The following SRM variants were observed in gnomAD, a reference collection of about 807,000 sequenced individuals.
SRM encodes spermidine synthase, also known as putrescine aminopropyltransferase.
In SRM, 14 loss-of-function variants were observed where a neutral mutation model predicts 39.3. That is an observed-to-expected ratio of 0.36 (90% CI 0.24 to 0.56). The LOEUF is 0.56. Among genes scored for constraint, SRM ranks in the 20% least tolerant of loss-of-function variants. The pLI is 0.86. For synonymous variants in SRM, 195 were observed against 173.1 expected, an observed-to-expected ratio of 1.13 and a Z score of -0.99; for missense variants, 244 against 409.2, an observed-to-expected ratio of 0.60 and a Z score of 3.48.
At chr1:11,059,202 T>C (rs946591449) in intron 2 of SRM, 23 bp downstream of exon 2, 1 of 1,613,128 alleles carries the variant, frequency 6.2e-7, no homozygotes, top group Non-Finnish European at 8.5e-7. Context: ...CGTCCGGCAC[T>C]GTTCCAGGGG....
intron 3 of SRM, 198 bp downstream of exon 3, chr1:11,058,602 G>T: frequency 2.4e-6 from 1 of 418,558 alleles, no homozygotes; most frequent in Non-Finnish European, 4.3e-6. Context: ...GTTTTAGTAA[G>T]AGCTCGCCAC....
chr1:11,054,963 T>G lies in SRM; in HGVS notation c.887A>C (p.Lys296Thr), dbSNP rs1295196605. Residue 296 changes from lysine to threonine, a missense_variant and splice_region_variant, in exon 7 of 8, where the codon AAG becomes ACG. Physicochemically the swap from Lys to Thr is moderately conservative, Grantham distance 78. Transcript: ENST00000376957. This position sits in a 1 kb window ranked among gnomAD's most constrained non-coding sequence, Gnocchi z 4.8. The stretch of plus-strand genomic sequence containing the variant: ...CACCCAGCCCCGCAGGCCACCCACC[T>G]TGCGGGCAAACTCGGGCAGCACAAA... ...AAFVLPEFAR[K>T]ALNDVS 1 of 1,611,192 alleles carries G rather than the reference T, an allele frequency of 6.2e-7. No homozygotes were observed. Among genetic ancestry groups the G allele is most frequent in the Non-Finnish European group, 8.5e-7 (1 of 1,179,386 alleles).
chr1:11,055,973 A>AC, intron 5 of SRM, 38 bp downstream of exon 5: 2 of 1,318,520 alleles, frequency 1.5e-6, no homozygotes, highest in Non-Finnish European at 2.1e-6. Flanking sequence ...GCCCTGCCCC[A>AC]CCCCGCCCCG....
At position 11,058,788 on chromosome 1, in the gene SRM, G is replaced by A. The variant is rs147052074; in HGVS notation, c.381+12C>T. The A allele has an allele frequency of 1.2e-4, 190 of 1,600,106 alleles. No individual in the cohort carries two copies. In the African/African-American group the frequency reaches 2.1e-3, roughly 18 times the overall value. ...AACCAGGACTCAAACCTGGCTCTAC[G>A]CCGGCACTCACCTCGTCGATCTCAC... On this transcript the variant is annotated intron_variant, in intron 3 of 7. Coordinates refer to ENST00000376957, the MANE Select transcript of SRM (RefSeq NM_003132.3).
chr1:11,055,960 C>T, intron 5 of SRM, 34 bp from the exon 6 acceptor site: 1 of 1,588,690 alleles, frequency 6.3e-7, no homozygotes, highest in Non-Finnish European at 8.6e-7. Context: ...TCCGGCAGGG[C>T]CTGCCCTGCC....
At position 11,056,106 on chromosome 1, in the gene SRM, AGAGG is replaced by A. The variant is rs1557682790; in HGVS notation, c.536-16_536-13del. On this transcript the variant is annotated splice_polypyrimidine_tract_variant and intron_variant, in intron 4 of 7. Transcript: ENST00000376957. ...ACTTTCGGCGGGGCCTGGGGAAGACAGAGGGAGACACACTGAACAGTCTGGCTGT... is the reference window on the plus strand; with the variant it reads ...ACTTTCGGCGGGGCCTGGGGAAGACAGAGACACACTGAACAGTCTGGCTGT... 1 of 1,600,464 alleles carries A rather than the reference AGAGG, an allele frequency of 6.2e-7. No individual in the cohort carries two copies. The highest frequency in any genetic ancestry group is 1.1e-5 in the South Asian group (1 of 88,400).
In SRM at chr1:11,058,833, G is replaced by C; in HGVS notation, c.348C>G (p.Ser116=). 1 of 1,611,828 alleles carries C rather than the reference G, an allele frequency of 6.2e-7. No individual in the cohort carries two copies. The highest frequency in any genetic ancestry group is 1.1e-5 in the South Asian group (1 of 90,666). Residue 116 remains serine, a synonymous_variant, in exon 3 of 8, where the codon TCC becomes TCG. Coordinates refer to ENST00000376957, the MANE Select transcript of SRM (RefSeq NM_003132.3). Reference sequence around the variant, plus strand: ...TCTCACACTGGACCACGGACTCCACGGAGGGGTGCTTCACCACCTCCCGCA... The same window carrying C: ...TCTCACACTGGACCACGGACTCCACCGAGGGGTGCTTCACCACCTCCCGCA... ...GVLREVVKHP[S]VESVVQCEID...
chr1:11,058,033 C>T (rs538388779), intron 3 of SRM, among the ~76,000 whole-genome samples: 1 of 152,204 alleles, frequency 6.6e-6, no homozygotes, highest in South Asian at 2.1e-4. Flanking sequence ...CCCGCCTTGG[C>T]GTCCCAAAGT....
Position 11,055,915 on chromosome 1 carries a change from A to G in SRM, c.631T>C (p.Trp211Arg). Residue 211 changes from tryptophan to arginine, a missense_variant, in exon 6 of 8, where the codon TGG becomes CGG. Trp to Arg is a moderately radical substitution (Grantham distance 101, BLOSUM62 -3). Transcript: ENST00000376957. ...TCCTTGATGAGGTCCAGGTGCAGCC[A>G]CTGGCACTCGCCTGGGGGCCCCTAA... ...GVLCCQGECQ[W>R]LHLDLIKEMR... 1.2e-6 allele frequency: 2 copies of G among 1,603,256 alleles called. No homozygotes were observed. The highest frequency in any genetic ancestry group is 1.7e-6 in the Non-Finnish European group (2 of 1,172,774).
intron 3 of SRM, chr1:11,058,587 G>A: frequency 5.3e-6 from 2 of 379,280 alleles, no homozygotes; most frequent in Non-Finnish European, 9.4e-6. Context: ...AAAAAAATCA[G>A]CTCAGTTTTA....
chr1:11,059,180 G>A, intron 2 of SRM, 45 bp downstream of exon 2: 1 of 1,611,974 alleles, frequency 6.2e-7, no homozygotes, highest in Admixed American at 1.7e-5. Flanking sequence ...GAGCACACCT[G>A]GGGCCGCCCC....
At position 11,059,856 on chromosome 1, in the gene SRM, C is replaced by G; in HGVS notation, c.88G>C (p.Gly30Arg). The change falls in exon 1 of 8, where the codon GGC becomes CGC. Residue 30 changes from glycine to arginine, a missense_variant. Coordinates refer to ENST00000376957, the MANE Select transcript of SRM (RefSeq NM_003132.3). The part of the protein sequence containing the change: ...WFRETCSLWP[G>R]QALSLQVEQL... ...TCCACCTGCAGTGACAGGGCCTGGCCGGGCCACAGGCTGCAGGTCTCGCGG... is the reference window on the plus strand; with the variant it reads ...TCCACCTGCAGTGACAGGGCCTGGCGGGGCCACAGGCTGCAGGTCTCGCGG... 6.4e-7 allele frequency: 1 copy of G among 1,558,938 alleles called. No homozygotes were observed. The highest frequency in any genetic ancestry group is 8.6e-7 in the Non-Finnish European group (1 of 1,162,890).
chr1:11,058,439 T>C (rs1638917831), intron 3 of SRM, among the ~76,000 whole-genome samples: 1 of 151,230 alleles, frequency 6.6e-6, no homozygotes. Flanking sequence ...CGCATGTCTG[T>C]AATCCCAGCT....
rs905291671 is a variant in SRM, at chr1:11,055,163, G to C, written c.766-79C>G. On this transcript the variant is annotated intron_variant, in intron 6 of 7. Coordinates refer to ENST00000376957, the MANE Select transcript of SRM (RefSeq NM_003132.3). ...TGAGACGGAGTCTCACTGTTGCCAC[G>C]CTGGAGTGCAGTGGCGTCATCTCAG... 8.1e-6 allele frequency: 12 copies of C among 1,488,216 alleles called. No homozygotes were observed. In the African/African-American group the frequency reaches 1.6e-4, roughly 20 times the overall value. 92.2% of individuals were successfully genotyped at this position (1,488,216 alleles called of 1,614,324 possible).
chr1:11,054,907 C>T lies in SRM; in HGVS notation c.889-22G>A, dbSNP rs376674763. ...GGGCCTGGAGGGACATGAGGCCAGT[C>T]AGGAGGGCGCTCTGGGTCCCTGGGT... On this transcript the variant is annotated intron_variant, in intron 7 of 7. Transcript: ENST00000376957. This position sits in a 1 kb window ranked among gnomAD's most constrained non-coding sequence, Gnocchi z 4.8. The T allele has an allele frequency of 3.7e-6, 6 of 1,611,664 alleles. No homozygotes were observed. The highest frequency in any genetic ancestry group is 5.1e-6 in the Non-Finnish European group (6 of 1,179,690).
chr1:11,059,522 C>T, intron 1 of SRM, 177 bp from the exon 2 acceptor site: 9 of 1,110,648 alleles, frequency 8.1e-6, no homozygotes, highest in Non-Finnish European at 1.0e-5. Context: ...CGGGGTGGGA[C>T]CCGGGGTCTC....
At chr1:11,057,145 CCA>C (rs1278405860) in intron 3 of SRM, among the ~76,000 whole-genome samples, 1 of 152,162 alleles carries the variant, frequency 6.6e-6, no homozygotes, top group African/African-American at 2.4e-5. Context: ...CTGTGAGCCA[CCA>C]CACCTGGCCC....
intron 3 of SRM, among the ~76,000 whole-genome samples, chr1:11,057,103 C>A (rs1407717235): frequency 6.6e-6 from 1 of 152,042 alleles, no homozygotes; most frequent in Non-Finnish European, 1.5e-5. Context: ...TCGATCCTCC[C>A]ACCTCGGCCT....
Position 11,055,110 on chromosome 1 carries a change from AG to A in SRM, c.766-27del. On this transcript the variant is annotated intron_variant, in intron 6 of 7. Coordinates refer to ENST00000376957, the MANE Select transcript of SRM (RefSeq NM_003132.3). ...CTGGGGACCGGGCCAGGGGCACATC[AG>A]GGGGGGCACTTTTTTTTTTTTTTTT... 3.9e-6 allele frequency: 6 copies of A among 1,526,734 alleles called. No homozygotes were observed. In the African/African-American group the frequency reaches 4.4e-5, roughly 11 times the overall value. 94.6% of individuals were successfully genotyped at this position (1,526,734 alleles called of 1,614,324 possible). A position where few individuals can be genotyped will look rare whatever the true frequency, so the allele number is the denominator to read the frequency against.
Sources: allele counts gnomAD v4.1 joint callset (sites outside exome capture counted in the v4.1 genomes callset), GRCh38; gene constraint gnomAD v4.1.1; non-coding constraint Gnocchi (gnomAD v3.1); transcripts MANE v1.5; gene names NCBI Gene and HGNC (gene_info 2026-07-23, HGNC 2026-07-21).